CDH3: variants seen among roughly 807,000 people sequenced by gnomAD.
The protein encoded by CDH3 is cadherin-3.
CDH3 carries 54 observed loss-of-function variants against 82.0 expected under a neutral mutation model. That is an observed-to-expected ratio of 0.66 (90% confidence interval 0.53 to 0.83). The LOEUF (loss-of-function observed/expected upper bound fraction) is 0.83, where lower values mean the gene tolerates loss of function less well. CDH3 is among the 40% of genes least tolerant of loss of function. The pLI, the probability that CDH3 is intolerant of heterozygous loss-of-function variation, is 0.00. For synonymous variants in CDH3, 446 were observed against 437.9 expected (o/e 1.02, Z -0.23); for missense variants, 1,054 against 1,084.6 (o/e 0.97, Z 0.40).
downstream of CDH3, among the ~76,000 whole-genome samples, chr16:68,704,553 G>A (rs1006708024): frequency 3.9e-5 from 6 of 152,224 alleles, no homozygotes; most frequent in African/African-American, 1.2e-4. Context: ...CCACCACAGC[G>A]CATAGAACTC....
At chr16:68,672,172 G>A (rs531598144) in intron 2 of CDH3, among the ~76,000 whole-genome samples, 50 of 144,080 alleles carry the variant, frequency 3.5e-4, no homozygotes, top group African/African-American at 1.2e-3. Flanking sequence ...CAGCCTGGGC[G>A]ACAGCGAGAC....
chr16:68,709,899 C>T (rs1962006584), intron 1 of CDH3, among the ~76,000 whole-genome samples: 1 of 152,200 alleles, frequency 6.6e-6, no homozygotes, highest in South Asian at 2.1e-4. Flanking sequence ...GGAATTCAAC[C>T]ACTTCTGTCC....
At chr16:68,645,555 C>G (rs992404958) in intron 1 of CDH3, 81 bp from the exon 2 acceptor site, 5 of 1,450,116 alleles carry the variant, frequency 3.4e-6, no homozygotes, top group South Asian at 1.2e-5. Flanking sequence ...CCGGAAGGCC[C>G]GTGAGGACCC....
intron 2 of CDH3, among the ~76,000 whole-genome samples, chr16:68,673,363 A>G (rs1019362455): frequency 8.5e-5 from 13 of 152,260 alleles, no homozygotes; most frequent in African/African-American, 2.4e-4. Flanking sequence ...CAACATCGCC[A>G]TTATCTATCT....
chr16:68,716,711 G>A (rs1962099562), intron 1 of CDH3, among the ~76,000 whole-genome samples: 1 of 151,104 alleles, frequency 6.6e-6, no homozygotes, highest in South Asian at 2.1e-4. Context: ...GGTACAGTAA[G>A]ACTTACTGTT....
intron 2 of CDH3, among the ~76,000 whole-genome samples, chr16:68,664,040 A>C (rs1190024354): frequency 6.8e-6 from 1 of 147,056 alleles, no homozygotes; most frequent in East Asian, 2.0e-4. Flanking sequence ...ATAGCTGAGG[A>C]AACAGGCCCA....
At chr16:68,694,906 G>C (rs1301689694) in intron 13 of CDH3, among the ~76,000 whole-genome samples, 1 of 152,158 alleles carries the variant, frequency 6.6e-6, no homozygotes, top group Non-Finnish European at 1.5e-5. Context: ...GTTATAAGCT[G>C]AGAGCTGACA....
At chr16:68,722,249 T>C (rs1414853950) in intron 1 of CDH3, among the ~76,000 whole-genome samples, 3 of 152,180 alleles carry the variant, frequency 2.0e-5, no homozygotes, top group Non-Finnish European at 4.4e-5. Context: ...CATTTGTGCA[T>C]GCTAGGTGCC....
At chr16:68,651,911 G>C (rs1014291203) in intron 2 of CDH3, 2 of 395,974 alleles carry the variant, frequency 5.1e-6, no homozygotes, top group Non-Finnish European at 1.0e-5. Flanking sequence ...TGACCTCGGC[G>C]GAGAGCCAGT....
chr16:68,655,696 A>AAG (rs1960395286), intron 2 of CDH3, among the ~76,000 whole-genome samples: 1 of 150,622 alleles, frequency 6.6e-6, no homozygotes, highest in Non-Finnish European at 1.5e-5. Context: ...ACAACAACAA[A>AAG]CAAACAAACA....
chr16:68,646,518 C>T (rs1960074568), intron 2 of CDH3, among the ~76,000 whole-genome samples: 2 of 134,614 alleles, frequency 1.5e-5, no homozygotes, highest in Non-Finnish European at 3.3e-5. Context: ...CCCCTCCCCG[C>T]CCCAAGTTCA....
At chr16:68,666,097 G>C (rs1430791582) in intron 2 of CDH3, among the ~76,000 whole-genome samples, 2 of 151,936 alleles carry the variant, frequency 1.3e-5, no homozygotes, top group Non-Finnish European at 2.9e-5. Context: ...CTGAGGCAGA[G>C]GGCCCGAGTC....
chr16:68,714,216 G>A (rs1962066281), intron 1 of CDH3, among the ~76,000 whole-genome samples: 1 of 152,128 alleles, frequency 6.6e-6, no homozygotes, highest in East Asian at 1.9e-4. Flanking sequence ...TTATAGGCGT[G>A]AGCCACCGCA....
intron 2 of CDH3, among the ~76,000 whole-genome samples, chr16:68,668,107 G>C (rs1230529935): frequency 6.6e-6 from 1 of 152,198 alleles, no homozygotes; most frequent in Admixed American, 6.5e-5. Context: ...CAGAATCCTT[G>C]TGGGAGAAAC....
chr16:68,731,383 A>ATATATATATATAT (rs1452596630), downstream of CDH3, among the ~76,000 whole-genome samples: 2 of 10,156 alleles, frequency 2.0e-4, no homozygotes, highest in Non-Finnish European at 4.5e-4. Context: ...AAAAAAAAAA[A>ATATATATATATAT]AAAAAAAAAA....
chr16:68,673,046 C>G (rs1039986112), intron 2 of CDH3, among the ~76,000 whole-genome samples: 2 of 152,302 alleles, frequency 1.3e-5, no homozygotes, highest in East Asian at 3.9e-4. Flanking sequence ...CCCAGTGTTT[C>G]TACCCATTCT....
Position 68,698,147 on chromosome 16 carries a change from G to T in CDH3, c.2281-44G>T, listed in dbSNP as rs151140320. The T allele has an allele frequency of 6.6e-4, 1,046 of 1,587,408 alleles. 10 individuals carry two copies. The African/African-American group carries it at 0.012, about 19-fold the overall frequency. On this transcript the variant is annotated intron_variant, in intron 15 of 15. Coordinates refer to ENST00000264012, the MANE Select transcript of CDH3 (RefSeq NM_001793.6). ...AAATGGAGGCTTGCAGCTGGCAAGA[G>T]GCAGGACCCGCCGCTCCTAACTACC...
chr16:68,675,931 T>A (rs1045877561), intron 2 of CDH3, among the ~76,000 whole-genome samples: 1 of 152,082 alleles, frequency 6.6e-6, no homozygotes, highest in Non-Finnish European at 1.5e-5. Context: ...TAGCCAAGCA[T>A]TGGGGATTCA....
chr16:68,721,470 A>G (rs981646119), intron 1 of CDH3, among the ~76,000 whole-genome samples: 2 of 151,516 alleles, frequency 1.3e-5, no homozygotes, highest in African/African-American at 2.4e-5. Context: ...CTAACCTCAG[A>G]TGATCAACCC....
Sources: allele counts gnomAD v4.1 joint callset (sites outside exome capture counted in the v4.1 genomes callset), GRCh38; gene constraint gnomAD v4.1.1; transcripts MANE v1.5; gene names NCBI Gene and HGNC (gene_info 2026-07-23, HGNC 2026-07-21).